The following MYO18B variants were observed in gnomAD, a reference collection of about 807,000 sequenced individuals.
MYO18B encodes the protein unconventional myosin-XVIIIb.
MYO18B carries 204 observed loss-of-function variants against 273.0 expected under a neutral mutation model. The observed-to-expected ratio is 0.75, with a 90% CI of 0.67 to 0.84. The LOEUF is 0.84. MYO18B is among the 40% of genes least tolerant of loss of function. The pLI is 0.00. For missense variants in MYO18B, 3,212 were observed against 3,287.6 expected (o/e 0.98, Z 0.56); for synonymous variants, 1,330 against 1,305.7 (o/e 1.02, Z -0.40).
chr22:25,781,816 G>A lies in MYO18B; in HGVS notation c.2294G>A (p.Gly765Glu). Reference sequence around the variant, plus strand: ...CTGGTTTTCTCCCAGATGCTGGCTGGATTGGACTTGGATCTCAGGTGAGCA... The same window carrying A: ...CTGGTTTTCTCCCAGATGCTGGCTGAATTGGACTTGGATCTCAGGTGAGCA... The part of the protein sequence containing the change: ...NFLVFSQMLA[G>E]LDLDLRTELN... The change falls in exon 10 of 44, where the codon GGA becomes GAA. Residue 765 changes from glycine to glutamate, a missense_variant. By Grantham distance (98) the Gly-to-Glu change is moderately conservative (BLOSUM62 -2). Transcript: ENST00000335473. 6.3e-7 allele frequency: 1 copy of A among 1,587,576 alleles called. No homozygotes were observed. Among genetic ancestry groups the A allele is most frequent in the Non-Finnish European group, 8.6e-7 (1 of 1,168,502 alleles).
At chr22:25,843,989 G>A in intron 18 of MYO18B, 95 bp downstream of exon 18, 2 of 1,176,094 alleles carry the variant, frequency 1.7e-6, no homozygotes, top group East Asian at 2.5e-5. Flanking sequence ...ACACAGTGTG[G>A]GAGGGCCAGC....
chr22:26,063,225 G>T, the MYO18B span, among the ~76,000 whole-genome samples: 2 of 152,198 alleles, frequency 1.3e-5, no homozygotes, highest in East Asian at 3.8e-4. Context: ...TTCCAGCTGA[G>T]AAGCAGTTTT....
chr22:25,747,678 G>C (rs1385817950), intron 1 of MYO18B, among the ~76,000 whole-genome samples: 1 of 152,188 alleles, frequency 6.6e-6, no homozygotes, highest in Non-Finnish European at 1.5e-5. Flanking sequence ...AGGCTGGCAG[G>C]GTGGGGTGAG....
At chr22:25,991,492 G>A (rs2093270166) in intron 39 of MYO18B, among the ~76,000 whole-genome samples, 2 of 152,174 alleles carry the variant, frequency 1.3e-5, no homozygotes, top group South Asian at 4.1e-4. Context: ...TCACTCTTAG[G>A]TAACAATCAT....
Position 25,950,377 on chromosome 22 carries a change from A to G in MYO18B, c.5759A>G (p.Asp1920Gly), listed in dbSNP as rs374123659. The change falls in exon 37 of 44, where the codon GAC becomes GGC. Residue 1920 changes from aspartate (D) to glycine (G), a missense_variant. Transcript: ENST00000335473. Reference sequence around the variant, plus strand: ...TTTTTGTCTCACCAGTCTGCTGCTGACATTGGGCAGATCCAAGAACTGCAG... The same window carrying G: ...TTTTTGTCTCACCAGTCTGCTGCTGGCATTGGGCAGATCCAAGAACTGCAG... ...HKDLIAQSAA[D>G]IGQIQELQLQ... 1.5e-5 allele frequency: 24 copies of G among 1,602,780 alleles called. No homozygotes were observed. Among genetic ancestry groups the G allele is most frequent in the Admixed American group, 8.5e-5 (5 of 58,726 alleles).
chr22:25,994,145 C>T (rs190325423), intron 40 of MYO18B, among the ~76,000 whole-genome samples: 1 of 152,270 alleles, frequency 6.6e-6, no homozygotes, highest in Non-Finnish European at 1.5e-5. Context: ...TCAGCAGGAG[C>T]AAGATGGAGA....
rs1186113612 is a variant in MYO18B, at chr22:25,843,746, C to A, written c.3220C>A (p.Leu1074Met). 6.8e-6 allele frequency: 11 copies of A among 1,613,420 alleles called. No homozygotes were observed. Among genetic ancestry groups the A allele is most frequent in the Non-Finnish European group, 9.3e-6 (11 of 1,179,494 alleles). The change falls in exon 18 of 44, where the codon CTG becomes ATG. Residue 1074 changes from leucine to methionine, a missense_variant. Coordinates refer to ENST00000335473, the MANE Select transcript of MYO18B (RefSeq NM_032608.7). The part of the protein sequence containing the change: ...KGAGTEGSSA[L>M]RTCEQPLQCE... ...ATGTCTGTTTCCAGGGTCCTCTGCC[C>A]TGCGGACCTGTGAGCAGCCCCTCCA...
At chr22:25,816,613 G>A (rs759714299) in intron 12 of MYO18B, among the ~76,000 whole-genome samples, 3 of 151,836 alleles carry the variant, frequency 2.0e-5, no homozygotes, top group Non-Finnish European at 1.5e-5. Flanking sequence ...CTGTCCTTGC[G>A]ATAGTTTGCT....
chr22:25,895,296 A>G lies in MYO18B; in HGVS notation c.4668+16A>G. On this transcript the variant is annotated intron_variant, in intron 28 of 43. Coordinates refer to ENST00000335473, the MANE Select transcript of MYO18B (RefSeq NM_032608.7). ...GGAGCAAAAGGTAAGATGTGGGGAT[A>G]GTCTGGGCCACAGAAGTGTTAGAGA... is the stretch of plus-strand genomic sequence containing the variant. The G allele has an allele frequency of 6.3e-7, 1 of 1,583,942 alleles. No homozygotes were observed. Among genetic ancestry groups the G allele is most frequent in the Non-Finnish European group, 8.6e-7 (1 of 1,165,000 alleles).
At chr22:25,809,924 A>G (rs180921021) in intron 12 of MYO18B, among the ~76,000 whole-genome samples, 42 of 152,126 alleles carry the variant, frequency 2.8e-4, no homozygotes, top group African/African-American at 9.2e-4. Context: ...TCTTATTTTA[A>G]AGCAATCATA....
At chr22:26,035,303 C>G (rs1936757597), downstream of MYO18B, among the ~76,000 whole-genome samples, 1 of 152,208 alleles carries the variant, frequency 6.6e-6, no homozygotes, top group Admixed American at 6.5e-5. Context: ...GTCCAAACTG[C>G]AACAAATGGA....
At chr22:25,855,806 T>A (rs2090554632) in intron 21 of MYO18B, among the ~76,000 whole-genome samples, 1 of 152,076 alleles carries the variant, frequency 6.6e-6, no homozygotes, top group South Asian at 2.1e-4. Flanking sequence ...AAATATCTCT[T>A]GAAGACCCTA....
intron 1 of MYO18B, among the ~76,000 whole-genome samples, chr22:25,752,720 G>A (rs9608421): frequency 0.31 from 47,741 of 151,938 alleles, 7,881 homozygotes; most frequent in South Asian, 0.42. Flanking sequence ...GCCCTTGCTC[G>A]CTCTCGGTGC....
rs758877751 is a variant in MYO18B at position 26,026,645 on chromosome 22, C to T, written c.6671C>T (p.Ala2224Val). The T allele has an allele frequency of 6.2e-6, 10 of 1,613,844 alleles. No homozygotes were observed. In the South Asian group the frequency reaches 1.1e-4, roughly 18 times the overall value. ...AAGTCCACAGAGAGATTAGAACCTGCTTCCTCTCCCCTGGCTTCTCGGAGT... is the reference window on the plus strand; with the variant it reads ...AAGTCCACAGAGAGATTAGAACCTGTTTCCTCTCCCCTGGCTTCTCGGAGT... ...QRKSTERLEP[A>V]SSPLASRSTN... Residue 2224 changes from alanine to valine, a missense_variant, in exon 43 of 44, where the codon GCT (alanine) becomes GTT (valine). Coordinates refer to ENST00000335473, the MANE Select transcript of MYO18B (RefSeq NM_032608.7).
chr22:25,927,604 GC>G (rs1248437033), intron 34 of MYO18B, among the ~76,000 whole-genome samples: 1 of 152,106 alleles, frequency 6.6e-6, no homozygotes, highest in Non-Finnish European at 1.5e-5. Flanking sequence ...GCCTCCACTT[GC>G]CTTGTTGTAT....
chr22:25,993,693 T>A (rs1418509715), intron 40 of MYO18B, among the ~76,000 whole-genome samples: 1 of 152,170 alleles, frequency 6.6e-6, no homozygotes, highest in Non-Finnish European at 1.5e-5. Context: ...TCTTAAGGGC[T>A]GGAGGCAGGG....
At chr22:25,828,664 A>C in intron 14 of MYO18B, 112 bp from the exon 15 acceptor site, 1 of 1,012,772 alleles carries the variant, frequency 9.9e-7, no homozygotes, top group Non-Finnish European at 1.4e-6. Flanking sequence ...GAGGTCACAC[A>C]GCCTGTAAGA....
chr22:25,876,187 A>G lies in MYO18B; in HGVS notation c.4081-2A>G, dbSNP rs1298658924. On this transcript the variant is annotated splice_acceptor_variant, in intron 23 of 43. Coordinates refer to ENST00000335473, the MANE Select transcript of MYO18B (RefSeq NM_032608.7). LOFTEE classifies it high-confidence loss of function. ...TCCAGTCTGTGTTCTCCTTCCCTGC[A>G]GATTCGCCGACTGGCTGCACAGTGC... The G allele has an allele frequency of 6.2e-7, 1 of 1,609,696 alleles. No individual in the cohort carries two copies.
Position 25,781,824 on chromosome 22 carries a change from T to G in MYO18B, c.2302T>G (p.Leu768Val). The G allele has an allele frequency of 1.3e-6, 2 of 1,579,578 alleles. No individual in the cohort carries two copies. Among genetic ancestry groups the G allele is most frequent in the Non-Finnish European group, 1.7e-6 (2 of 1,164,640 alleles). Reference sequence around the variant, plus strand: ...CTCCCAGATGCTGGCTGGATTGGACTTGGATCTCAGGTGAGCACTTGGGGC... The same window carrying G: ...CTCCCAGATGCTGGCTGGATTGGACGTGGATCTCAGGTGAGCACTTGGGGC... ...VFSQMLAGLD[L>V]DLRTELNLHQ... Residue 768 changes from leucine to valine, a missense_variant, in exon 10 of 44, where the codon TTG becomes GTG. By Grantham distance (32) the Leu-to-Val change is conservative. Transcript: ENST00000335473.
Sources: gnomAD v4.1 joint callset for allele counts (sites outside exome capture counted in the v4.1 genomes callset) on GRCh38, gnomAD v4.1.1 for gene constraint, MANE v1.5 for transcripts, NCBI Gene and HGNC (gene_info 2026-07-23, HGNC 2026-07-21) for gene names.